The following CSE1L variants were observed in gnomAD, a reference collection of about 807,000 sequenced individuals.
The protein encoded by CSE1L is chromosome segregation 1 like.
Under a neutral mutation model 120.4 loss-of-function variants are expected in CSE1L, and 24 were observed. The ratio of observed to expected loss-of-function variants is 0.20; its 90% CI spans 0.14 to 0.28. CSE1L has a LOEUF of 0.28. Ranked by LOEUF, CSE1L falls within the 10% of genes least tolerant of loss-of-function variation. CSE1L has a pLI of 1.00. For synonymous variants in CSE1L, 402 were observed against 398.3 expected (o/e 1.01, Z -0.11); for missense variants, 830 against 1,145.2 (o/e 0.72, Z 3.97).
intron 14 of CSE1L, among the ~76,000 whole-genome samples, chr20:49,081,702 C>G (rs1036208897): frequency 6.6e-6 from 1 of 152,052 alleles, no homozygotes; most frequent in Non-Finnish European, 1.5e-5. Flanking sequence ...TTTTAGAGAA[C>G]GTGTAGTTTT....
chr20:49,079,699 C>T (rs1313888015), intron 14 of CSE1L, among the ~76,000 whole-genome samples: 1 of 152,076 alleles, frequency 6.6e-6, no homozygotes, highest in Non-Finnish European at 1.5e-5. Context: ...ACATTTGGGC[C>T]TGCGGAATCC....
intron 1 of CSE1L, among the ~76,000 whole-genome samples, chr20:49,053,807 G>A (rs1375572106): frequency 2.0e-5 from 3 of 152,116 alleles, no homozygotes; most frequent in Admixed American, 1.3e-4. Flanking sequence ...TCCCACCTTA[G>A]CCTCCCAAGT....
chr20:49,066,594 G>T (rs2091894095), intron 5 of CSE1L, 84 bp downstream of exon 5: 1 of 1,240,058 alleles, frequency 8.1e-7, no homozygotes, highest in African/African-American at 1.5e-5. Context: ...TGTGACTGTT[G>T]TCATTCCTTT....
intron 1 of CSE1L, among the ~76,000 whole-genome samples, chr20:49,047,961 G>A (rs1231835953): frequency 1.3e-5 from 2 of 152,064 alleles, no homozygotes; most frequent in Non-Finnish European, 2.9e-5. Flanking sequence ...TGTCTGTCTT[G>A]CTTACTTCTC....
intron 14 of CSE1L, among the ~76,000 whole-genome samples, chr20:49,083,184 C>G (rs1184348232): frequency 2.0e-5 from 3 of 152,060 alleles, no homozygotes; most frequent in African/African-American, 4.8e-5. Context: ...GCCACCACGT[C>G]TGGCTAATTT....
At position 49,074,792 on chromosome 20, in the gene CSE1L, TGAA is replaced by T; in HGVS notation, c.1079_1081del (p.Glu360del). 6.2e-7 allele frequency: 1 copy of T among 1,612,430 alleles called. No individual in the cohort carries two copies. Among genetic ancestry groups the T allele is most frequent in the Non-Finnish European group, 8.5e-7 (1 of 1,179,222 alleles). ...TATCATCTCTCCTTGTAGCTGCTGA[TGAA>T]GAAGCATTTGAAGATAATTCTGAGG... On this transcript the variant is annotated inframe_deletion, in exon 11 of 25. Coordinates refer to ENST00000262982, the MANE Select transcript of CSE1L (RefSeq NM_001316.4).
At chr20:49,055,712 C>CT in intron 1 of CSE1L, among the ~76,000 whole-genome samples, 1 of 152,108 alleles carries the variant, frequency 6.6e-6, no homozygotes, top group African/African-American at 2.4e-5. Flanking sequence ...GAGCAAGACT[C>CT]TGTCTGAAAA....
At position 49,071,093 on chromosome 20, in the gene CSE1L, T is replaced by A. The variant is rs574162628; in HGVS notation, c.768+796T>A. ...CTCATTTGTTAATATATTTATGACC[T>A]TCTTTCCGAAGAGACAAAAGACAAA... On this transcript the variant is annotated intron_variant, in intron 8 of 24. Coordinates refer to ENST00000262982, the MANE Select transcript of CSE1L (RefSeq NM_001316.4). Among the ~76,000 whole-genome samples, 10 of 148,998 alleles carry A rather than the reference T, an allele frequency of 6.7e-5. 1 individual carries two copies. Among genetic ancestry groups the A allele is most frequent in the Admixed American group, 6.0e-4 (9 of 15,118 alleles).
chr20:49,076,924 T>C, intron 12 of CSE1L, 56 bp from the exon 13 acceptor site: 1 of 1,093,052 alleles, frequency 9.1e-7, no homozygotes, highest in Non-Finnish European at 1.3e-6. Flanking sequence ...ATTTCTAATG[T>C]GATAGATATA....
intron 11 of CSE1L, among the ~76,000 whole-genome samples, 168 bp from the exon 12 acceptor site, chr20:49,075,150 T>G (rs191441278): frequency 6.6e-6 from 1 of 152,276 alleles, no homozygotes; most frequent in Non-Finnish European, 1.5e-5. Context: ...GTTTTTTTCA[T>G]TGTTTGTGTT....
chr20:49,047,645 C>T (rs1411382808), intron 1 of CSE1L, among the ~76,000 whole-genome samples: 1 of 131,482 alleles, frequency 7.6e-6, no homozygotes, highest in African/African-American at 2.9e-5. Context: ...GGCGCGATCT[C>T]GACTCACTGC....
intron 10 of CSE1L, among the ~76,000 whole-genome samples, chr20:49,073,974 G>A (rs1285964102): frequency 1.3e-5 from 2 of 151,878 alleles, no homozygotes; most frequent in East Asian, 1.9e-4. Context: ...CAACACTTTG[G>A]GAGGCTGAGG....
chr20:49,086,093 G>T (rs1186459326), intron 16 of CSE1L, among the ~76,000 whole-genome samples: 1 of 152,080 alleles, frequency 6.6e-6, no homozygotes, highest in Non-Finnish European at 1.5e-5. Flanking sequence ...CCATCCACAG[G>T]CTGGTGTATC....
At chr20:49,065,357 C>G (rs550158037) in intron 3 of CSE1L, among the ~76,000 whole-genome samples, 1 of 67,330 alleles carries the variant, frequency 1.5e-5, no homozygotes, top group South Asian at 5.4e-4. Flanking sequence ...GAGTCTTGCT[C>G]TGTTGCCCAG....
chr20:49,063,128 A>ATG, intron 2 of CSE1L, 74 bp from the exon 3 acceptor site: 1 of 632,212 alleles, frequency 1.6e-6, no homozygotes. Context: ...ATTTTTTTTT[A>ATG]TATATATATA....
In CSE1L at chr20:49,096,342, C is replaced by T; in HGVS notation, c.2827-7C>T. 5 of 1,611,798 alleles carry T rather than the reference C, an allele frequency of 3.1e-6. No homozygotes were observed. Among genetic ancestry groups the T allele is most frequent in the Non-Finnish European group, 4.2e-6 (5 of 1,177,992 alleles). Reference sequence around the variant, plus strand: ...AACAGCCAGTGTGTGTTTCCCATCTCTTGTAGGTTCCATCAATGGTGAGCA... The same window carrying T: ...AACAGCCAGTGTGTGTTTCCCATCTTTTGTAGGTTCCATCAATGGTGAGCA... On this transcript the variant is annotated splice_region_variant and splice_polypyrimidine_tract_variant and intron_variant, in intron 24 of 24. Coordinates refer to ENST00000262982, the MANE Select transcript of CSE1L (RefSeq NM_001316.4).
chr20:49,075,278 G>T (rs1555823727), intron 11 of CSE1L, 40 bp from the exon 12 acceptor site: 15 of 1,484,446 alleles, frequency 1.0e-5, no homozygotes, highest in Admixed American at 1.8e-5. Context: ...GTTGGTGGTT[G>T]TTTTTTTTCC....
At chr20:49,085,425 A>G (rs759255334) in intron 16 of CSE1L, 39 bp downstream of exon 16, 2 of 1,461,860 alleles carry the variant, frequency 1.4e-6, no homozygotes, top group South Asian at 1.1e-5. Flanking sequence ...CAGGTATCCA[A>G]TCTCAGATTG....
intron 7 of CSE1L, among the ~76,000 whole-genome samples, chr20:49,069,284 A>G (rs1218670435): frequency 1.3e-5 from 2 of 152,248 alleles, no homozygotes; most frequent in Non-Finnish European, 2.9e-5. Context: ...GGTAGGAACT[A>G]GTAGTATTTC....
Sources: allele counts gnomAD v4.1 joint callset (sites outside exome capture counted in the v4.1 genomes callset), GRCh38; gene constraint gnomAD v4.1.1; transcripts MANE v1.5; gene names NCBI Gene and HGNC (gene_info 2026-07-23, HGNC 2026-07-21).